The following TRIP11 variants were observed in gnomAD, a reference collection of about 807,000 sequenced individuals.
The protein encoded by TRIP11 is thyroid hormone receptor interactor 11.
In TRIP11, 148 loss-of-function variants were observed where a neutral mutation model predicts 223.1. That is an observed-to-expected ratio of 0.66 (90% CI 0.58 to 0.76). The LOEUF (loss-of-function observed/expected upper bound fraction) is 0.76, where lower values mean the gene tolerates loss of function less well. TRIP11 is among the 30% of genes least tolerant of loss of function. The pLI, the probability that TRIP11 is intolerant of heterozygous loss-of-function variation, is 0.00. For missense variants in TRIP11, 2,043 were observed against 2,222.0 expected, an observed-to-expected ratio of 0.92 and a Z score of 1.62; for synonymous variants, 762 against 772.6, an observed-to-expected ratio of 0.99 and a Z score of 0.23.
intron 17 of TRIP11, 65 bp downstream of exon 17, chr14:91,976,043 A>G: frequency 2.1e-6 from 3 of 1,440,878 alleles, no homozygotes; most frequent in Non-Finnish European, 2.9e-6. Flanking sequence ...TACATTTAGA[A>G]GTTTTTTTTT....
intron 11 of TRIP11, among the ~76,000 whole-genome samples, chr14:92,000,467 T>C (rs886802757): frequency 2.6e-5 from 4 of 152,230 alleles, no homozygotes; most frequent in Admixed American, 6.5e-5. Flanking sequence ...CACCTCAATA[T>C]TGGTTCATTA....
intron 2 of TRIP11, among the ~76,000 whole-genome samples, chr14:92,032,260 G>C (rs1423975865): frequency 1.3e-5 from 2 of 151,954 alleles, no homozygotes; most frequent in Admixed American, 1.3e-4. Flanking sequence ...CAAGTCTCCT[G>C]CCTCAGCCTC....
Position 92,000,106 on chromosome 14 carries a change from G to C in TRIP11, c.4560C>G (p.Gly1520=), listed in dbSNP as rs1566856032. ...AAAGCTGATTTAACTCTCCAGTCTT[G>C]CCCTTTTGGAAAGAAAAAATTTTAG... ...FEQLLKEKEQ[G]KTGELNQLLN... Residue 1520 remains glycine, a splice_region_variant and synonymous_variant, in exon 12 of 21, where the codon GGC becomes GGG. Transcript: ENST00000267622. The C allele has an allele frequency of 1.2e-6, 2 of 1,613,654 alleles. No homozygotes were observed. Among genetic ancestry groups the C allele is most frequent in the South Asian group, 2.2e-5 (2 of 91,062 alleles).
chr14:91,997,609 G>A (rs1357834414), intron 13 of TRIP11, among the ~76,000 whole-genome samples: 1 of 151,958 alleles, frequency 6.6e-6, no homozygotes, highest in Non-Finnish European at 1.5e-5. Flanking sequence ...ACAACTTGCA[G>A]GGGATCAGGT....
At chr14:91,973,141 T>A (rs544816875) in intron 19 of TRIP11, among the ~76,000 whole-genome samples, 1 of 151,718 alleles carries the variant, frequency 6.6e-6, no homozygotes, top group African/African-American at 2.4e-5. Flanking sequence ...TTCTCCTGCC[T>A]CAGCCATCTA....
At chr14:92,013,593 A>T (rs930680131) in intron 7 of TRIP11, among the ~76,000 whole-genome samples, 1 of 152,244 alleles carries the variant, frequency 6.6e-6, no homozygotes, top group Admixed American at 6.5e-5. Context: ...AATGGAATAG[A>T]AAAAAGAGGA....
intron 2 of TRIP11, among the ~76,000 whole-genome samples, chr14:92,028,614 C>T (rs2057219608): frequency 6.6e-6 from 1 of 151,858 alleles, no homozygotes; most frequent in African/African-American, 2.4e-5. Context: ...GTGGCCGAAC[C>T]CATAAAATAT....
chr14:92,027,419 G>T (rs1186897779), intron 2 of TRIP11, among the ~76,000 whole-genome samples: 2 of 151,968 alleles, frequency 1.3e-5, no homozygotes, highest in Non-Finnish European at 2.9e-5. Flanking sequence ...GTATGAGATG[G>T]TTAAAAAGGC....
Position 91,995,062 on chromosome 14 carries a change from TCTC to T in TRIP11, c.5056+287_5056+289del, listed in dbSNP as rs145255981. On this transcript the variant is annotated intron_variant, in intron 14 of 20. Coordinates refer to ENST00000267622, the MANE Select transcript of TRIP11 (RefSeq NM_004239.4). Reference sequence around the variant, plus strand: ...ATTACTTGATCATCTTTCCTTGTATTCTCCTCTTTATTACTTGATCATCTTTCC... The same window carrying T: ...ATTACTTGATCATCTTTCCTTGTATTCTCTTTATTACTTGATCATCTTTCC... Among the ~76,000 whole-genome samples the T allele has an allele frequency of 0.29, 43,090 of 150,110 alleles. 6,401 individuals are homozygous for T. The highest frequency in any genetic ancestry group is 0.35 in the South Asian group (1,633 of 4,638).
chr14:91,999,524 A>C, intron 12 of TRIP11, 91 bp from the exon 13 acceptor site: 1 of 1,357,852 alleles, frequency 7.4e-7, no homozygotes, highest in Non-Finnish European at 1.0e-6. Context: ...CCATTATTGA[A>C]GATATTAATT....
At chr14:91,972,983 T>C (rs1418170452) in intron 19 of TRIP11, 122 bp from the exon 20 acceptor site, 1 of 905,072 alleles carries the variant, frequency 1.1e-6, no homozygotes, top group Non-Finnish European at 1.6e-6. Context: ...TGAATAATTT[T>C]TTTTTACAAA....
At chr14:92,026,418 G>T in intron 2 of TRIP11, 2 of 600,924 alleles carry the variant, frequency 3.3e-6, no homozygotes, top group Admixed American at 5.6e-5. Flanking sequence ...AACATAATGG[G>T]GCGCCCCACT....
intron 2 of TRIP11, among the ~76,000 whole-genome samples, chr14:92,032,461 T>C (rs189249037): frequency 1.3e-5 from 2 of 150,844 alleles, no homozygotes; most frequent in Non-Finnish European, 3.0e-5. Context: ...GCTATTCCTA[T>C]ATTCTTAACT....
rs2057196045 is a variant in TRIP11 at position 92,026,915 on chromosome 14, A to G, written c.202-1495T>C. Reference sequence around the variant, plus strand: ...AGCAAAAAAGGAAAAGTTAAACTAAAAAAAAGGCCGCCGCGACCTATTCAC... The same window carrying G: ...AGCAAAAAAGGAAAAGTTAAACTAAGAAAAAGGCCGCCGCGACCTATTCAC... On this transcript the variant is annotated intron_variant, in intron 2 of 20. Transcript: ENST00000267622. 4.2e-6 allele frequency: 6 copies of G among 1,437,886 alleles called. No homozygotes were observed. In the South Asian group the frequency reaches 7.3e-5, roughly 18 times the overall value. 89.1% of individuals were successfully genotyped at this position (1,437,886 alleles called of 1,614,324 possible). A position where few individuals can be genotyped will look rare whatever the true frequency, so the allele number is the denominator to read the frequency against.
At chr14:92,026,913 A>T (rs1465955462) in intron 2 of TRIP11, 2 of 1,386,332 alleles carry the variant, frequency 1.4e-6, no homozygotes, top group Non-Finnish European at 2.0e-6. Flanking sequence ...AAGTTAAACT[A>T]AAAAAAAGGC....
Position 92,006,418 on chromosome 14 carries a change from T to C in TRIP11, c.1558A>G (p.Lys520Glu), listed in dbSNP as rs753529655. 1.9e-6 allele frequency: 3 copies of C among 1,613,140 alleles called. No individual in the cohort carries two copies. The highest frequency in any genetic ancestry group is 2.2e-5 in the East Asian group (1 of 44,726). Residue 520 changes from lysine to glutamate, a missense_variant, in exon 11 of 21, where the codon AAA (lysine) becomes GAA (glutamate). By Grantham distance (56) the Lys-to-Glu change is moderately conservative. Transcript: ENST00000267622. ...HMILIKDQLSKQQNEGDSIIS... is the reference protein window; with the variant it reads ...HMILIKDQLSEQQNEGDSIIS... ...ATGCTATCTCCTTCATTTTGTTGTTTTGATAGCTGATCTTTTATCAAAATC... is the reference window on the plus strand; with the variant it reads ...ATGCTATCTCCTTCATTTTGTTGTTCTGATAGCTGATCTTTTATCAAAATC...
chr14:92,029,280 A>ATTTTTTTTTTTTTTTT (rs60778253), intron 2 of TRIP11, among the ~76,000 whole-genome samples: 4 of 76,762 alleles, frequency 5.2e-5, no homozygotes, highest in Non-Finnish European at 7.0e-5. Context: ...CCAAAGTATT[A>ATTTTTTTTTTTTTTTT]TTTTTTTTTT....
intron 15 of TRIP11, 96 bp from the exon 16 acceptor site, chr14:91,988,479 C>T: frequency 9.5e-7 from 1 of 1,048,896 alleles, no homozygotes; most frequent in Non-Finnish European, 1.4e-6. Context: ...TACATTTCAG[C>T]TGGTGAAGCT....
intron 2 of TRIP11, 96 bp from the exon 3 acceptor site, chr14:92,025,516 C>CCG (rs376329103): frequency 2.1e-4 from 165 of 796,884 alleles, no homozygotes; most frequent in Admixed American, 2.8e-4. Context: ...CTTTCCCCCC[C>CCG]CAAAAATGTC....
Sources: gnomAD v4.1 joint callset for allele counts (sites outside exome capture counted in the v4.1 genomes callset) on GRCh38, gnomAD v4.1.1 for gene constraint, MANE v1.5 for transcripts, NCBI Gene and HGNC (gene_info 2026-07-23, HGNC 2026-07-21) for gene names.